The following MYH11 variants were observed in gnomAD, a reference collection of about 807,000 sequenced individuals.
MYH11 encodes myosin-11.
A neutral mutation model predicts 246.6 loss-of-function variants in MYH11; 80 were observed. That is an observed-to-expected ratio of 0.32 (90% CI 0.27 to 0.39). The LOEUF (loss-of-function observed/expected upper bound fraction) is 0.39, where lower values mean the gene tolerates loss of function less well. Among genes scored for constraint, MYH11 ranks in the 10% least tolerant of loss-of-function variants. The probability of loss-of-function intolerance (pLI) is 1.00; values close to 1 mark genes in which losing one functional copy is unlikely to be tolerated. For synonymous variants in MYH11, 1,071 were observed against 1,015.5 expected, an observed-to-expected ratio of 1.05 and a Z score of -1.04; for missense variants, 2,158 against 2,546.8, an observed-to-expected ratio of 0.85 and a Z score of 3.29.
Position 15,765,673 on chromosome 16 carries a change from C to T in MYH11, c.1034-1782G>A, listed in dbSNP as rs369841404. 8.5e-5 allele frequency among the ~76,000 whole-genome samples: 13 copies of T among 152,264 alleles called. No individual in the cohort carries two copies. The South Asian group carries it at 1.2e-3, about 15-fold the overall frequency. On this transcript the variant is annotated intron_variant, in intron 9 of 40. Transcript: ENST00000300036. ...AGGCCCTTCACAACAGCTATTCTCACGCCATGGGGTCCCTGGCCCAGCTCA... is the reference window on the plus strand; with the variant it reads ...AGGCCCTTCACAACAGCTATTCTCATGCCATGGGGTCCCTGGCCCAGCTCA...
At chr16:15,840,610 C>T (rs28594849) in intron 1 of MYH11, among the ~76,000 whole-genome samples, 3,447 of 152,022 alleles carry the variant, frequency 0.023, 134 homozygotes, top group African/African-American at 0.076. Flanking sequence ...TGCATGCCTA[C>T]GGTTCCAGCT....
At chr16:15,763,741 T>TGCCCCCCCCCCCCC in intron 10 of MYH11, 55 bp downstream of exon 10, 1 of 646,858 alleles carries the variant, frequency 1.5e-6, no homozygotes, top group Non-Finnish European at 2.9e-6. Context: ...AAATGTCACC[T>TGCCCCCCCCCCCCC]CCCCCACCCC....
rs901502893 is a variant in MYH11, at chr16:15,717,342, G to C, written c.5302C>G (p.Gln1768Glu). 5 of 1,606,676 alleles carry C rather than the reference G, an allele frequency of 3.1e-6. No homozygotes were observed. The highest frequency in any genetic ancestry group is 4.2e-6 in the Non-Finnish European group (5 of 1,179,998). Residue 1768 changes from glutamine to glutamate, a missense_variant, in exon 38 of 41, where the codon CAG (glutamine) becomes GAG (glutamate). Physicochemically the swap from Gln to Glu is conservative, Grantham distance 29. This residue lies in a region of MYH11 where 1,013 missense variants were observed against 993.5 expected (regional missense o/e 1.02). Transcript: ENST00000300036. ...RVRKATQQAE[Q>E]LSNELATERS... Reference sequence around the variant, plus strand: ...TCTGTGGCCAGCTCGTTGCTGAGCTGCTCGGCCTGGGGAGGAGAGTGAAGG... The same window carrying C: ...TCTGTGGCCAGCTCGTTGCTGAGCTCCTCGGCCTGGGGAGGAGAGTGAAGG...
At chr16:15,716,371 AG>A (rs1387994517) in intron 38 of MYH11, among the ~76,000 whole-genome samples, 33 of 152,310 alleles carry the variant, frequency 2.2e-4, no homozygotes, top group African/African-American at 5.8e-4. Flanking sequence ...TTACTGAAAA[AG>A]CTACTAGAAG....
At chr16:15,747,451 G>A in intron 19 of MYH11, 119 bp downstream of exon 19, 3 of 1,190,138 alleles carry the variant, frequency 2.5e-6, no homozygotes, top group Non-Finnish European at 3.7e-6. Context: ...AGAAAAGGCT[G>A]TCATTCAGTC....
Position 15,756,361 on chromosome 16 carries a change from T to C in MYH11, c.1729A>G (p.Ile577Val), listed in dbSNP as rs751811080. 6.2e-7 allele frequency: 1 copy of C among 1,614,116 alleles called. No individual in the cohort carries two copies. Among genetic ancestry groups the C allele is most frequent in the South Asian group, 1.1e-5 (1 of 91,080 alleles). ...GGTACCTTCCCAGCATAATGGATGA[T>C]GGAGAACTCAGTCTTGTCCTTGAGC... ...KQLKDKTEFS[I>V]IHYAGKVDYN... The change falls in exon 14 of 41, where the codon ATC becomes GTC. Residue 577 changes from isoleucine (I) to valine (V), a missense_variant. Ile to Val is a conservative substitution (Grantham distance 29). Around this residue, in one of 11 missense-constraint regions of MYH11, gnomAD observed 317 missense variants for 507.7 expected, o/e 0.62. Coordinates refer to ENST00000300036, the MANE Select transcript of MYH11 (RefSeq NM_002474.3).
chr16:15,809,090 G>C (rs1237460677), intron 3 of MYH11, among the ~76,000 whole-genome samples: 1 of 151,920 alleles, frequency 6.6e-6, no homozygotes, highest in African/African-American at 2.4e-5. Flanking sequence ...ACCTTCCAAG[G>C]AAGCCTCCCC....
chr16:15,737,019 G>C (rs2041137010), intron 25 of MYH11, among the ~76,000 whole-genome samples: 1 of 152,122 alleles, frequency 6.6e-6, no homozygotes, highest in African/African-American at 2.4e-5. Context: ...CAGAAACAAA[G>C]GAGGAGATTG....
intron 20 of MYH11, among the ~76,000 whole-genome samples, chr16:15,743,395 G>A (rs945407175): frequency 6.6e-5 from 10 of 152,048 alleles, no homozygotes; most frequent in African/African-American, 2.2e-4. Context: ...TTTCGAACTC[G>A]TGAACCCAGG....
intron 8 of MYH11, among the ~76,000 whole-genome samples, chr16:15,771,922 G>A (rs2042111161): frequency 6.6e-6 from 1 of 151,804 alleles, no homozygotes; most frequent in African/African-American, 2.4e-5. Context: ...CTGCTCCAGT[G>A]ACTGCAGCTG....
chr16:15,763,741 T>TCGGGCGCCCCCCCCCCCC, intron 10 of MYH11, 55 bp downstream of exon 10: 1 of 646,862 alleles, frequency 1.5e-6, no homozygotes. Context: ...AAATGTCACC[T>TCGGGCGCCCCCCCCCCCC]CCCCCACCCC....
At chr16:15,737,329 G>A (rs2041147364) in intron 25 of MYH11, 120 bp downstream of exon 25, 8 of 1,359,682 alleles carry the variant, frequency 5.9e-6, no homozygotes, top group East Asian at 4.8e-5. Context: ...CCTGGGAAAC[G>A]AAGTTCATGC....
At chr16:15,826,660 A>ATG (rs2043575313) in intron 2 of MYH11, among the ~76,000 whole-genome samples, 1 of 151,942 alleles carries the variant, frequency 6.6e-6, no homozygotes, top group Admixed American at 6.6e-5. Context: ...GGACAATGGT[A>ATG]TGTAATGTCT....
At chr16:15,773,402 T>C (rs2042151327) in intron 8 of MYH11, among the ~76,000 whole-genome samples, 1 of 151,292 alleles carries the variant, frequency 6.6e-6, no homozygotes, top group Non-Finnish European at 1.5e-5. Context: ...GCAATTCTCC[T>C]GCCTCTCGAG....
At chr16:15,716,317 C>T (rs1183965573) in intron 38 of MYH11, among the ~76,000 whole-genome samples, 2 of 152,016 alleles carry the variant, frequency 1.3e-5, no homozygotes, top group African/African-American at 4.8e-5. Context: ...ATGAATAGCC[C>T]TTGAATTATA....
chr16:15,711,512 A>C (rs1450528389), intron 40 of MYH11, among the ~76,000 whole-genome samples: 2 of 152,196 alleles, frequency 1.3e-5, no homozygotes, highest in Non-Finnish European at 2.9e-5. Context: ...TTAAAAATAT[A>C]GAGGAGGTAT....
Position 15,748,236 on chromosome 16 carries a change from T to C in MYH11, c.2059-68A>G, listed in dbSNP as rs2041473841. On this transcript the variant is annotated intron_variant, in intron 16 of 40. Transcript: ENST00000300036. ...CCATGGCGCAGCAAAGCCCCAAACC[T>C]CCTACCTGGATGACCCACCTGGCCA... 8.7e-6 allele frequency: 14 copies of C among 1,603,268 alleles called. 1 individual carries two copies. In the East Asian group the frequency reaches 3.2e-4, roughly 36 times the overall value.
At chr16:15,829,584 T>A (rs2043673073) in intron 2 of MYH11, among the ~76,000 whole-genome samples, 2 of 152,188 alleles carry the variant, frequency 1.3e-5, no homozygotes, top group African/African-American at 4.8e-5. Flanking sequence ...CCTCTCCAGC[T>A]GGTTAAATTC....
intron 1 of MYH11, among the ~76,000 whole-genome samples, chr16:15,842,674 G>C (rs768376872): frequency 2.0e-4 from 28 of 140,724 alleles, no homozygotes; most frequent in Non-Finnish European, 4.1e-4. Flanking sequence ...TGAGGCACGA[G>C]AATTGCTTGA....
Sources: gnomAD v4.1 joint callset for allele counts (sites outside exome capture counted in the v4.1 genomes callset) on GRCh38, gnomAD v4.1.1 for gene constraint, gnomAD v4.1.1 regional missense constraint, MANE v1.5 for transcripts, NCBI Gene and HGNC (gene_info 2026-07-23, HGNC 2026-07-21) for gene names.